NBPF20: variants seen among roughly 807,000 people sequenced by gnomAD.
The protein encoded by NBPF20 is NBPF member 20.
Under a neutral mutation model 68.1 loss-of-function variants are expected in NBPF20, and 90 were observed. The ratio of observed to expected loss-of-function variants is 1.32; its 90% CI spans 1.11 to 1.58. NBPF20 has a LOEUF of 1.58. NBPF20 is among the 40% of genes most tolerant of loss of function. The probability of loss-of-function intolerance (pLI) is 0.00; values close to 1 mark genes in which losing one functional copy is unlikely to be tolerated. For synonymous variants in NBPF20, 290 were observed against 228.1 expected (o/e 1.27, Z -2.45); for missense variants, 816 against 601.2 (o/e 1.36, Z -3.74).
intron 6 of NBPF20, 127 bp downstream of exon 11, chr1:145,400,262 C>T: frequency 6.3e-7 from 1 of 1,586,288 alleles, no homozygotes; most frequent in Non-Finnish European, 8.6e-7. Flanking sequence ...AAAAAAGTCC[C>T]TGATATCTGT....
chr1:145,398,025 G>A (rs1384425758), intron 7 of NBPF20, among the ~76,000 whole-genome samples: 1 of 152,270 alleles, frequency 6.6e-6, no homozygotes, highest in African/African-American at 2.4e-5. Flanking sequence ...AATTCAACAA[G>A]AGTTAACTAT....
exon 1 of NBPF20, chr1:145,405,513 T>G (rs1486919909): frequency 1.2e-5 from 18 of 1,476,364 alleles, no homozygotes; most frequent in Middle Eastern, 2.4e-4. Context: ...TGCCAGTAGC[T>G]CAGACTCTGA....
intron 4 of NBPF20, 36 bp downstream of exon 9, chr1:145,402,131 G>T: frequency 7.3e-7 from 1 of 1,361,992 alleles, no homozygotes; most frequent in Middle Eastern, 2.5e-4. Context: ...TCATAAGCCT[G>T]GGATTTTGGG....
the NBPF20 span, among the ~76,000 whole-genome samples, chr1:145,419,365 G>C: frequency 4.6e-5 from 7 of 152,210 alleles, no homozygotes; most frequent in Non-Finnish European, 1.0e-4. Flanking sequence ...ACGCACTACT[G>C]TAAAACTATA....
chr1:145,291,782 A>G lies in NBPF20; in HGVS notation c.16698-13T>C. 1 of 1,612,018 alleles carries G rather than the reference A, an allele frequency of 6.2e-7. No individual in the cohort carries two copies. The highest frequency in any genetic ancestry group is 8.5e-7 in the Non-Finnish European group (1 of 1,179,868). ...CACGCCGTTGAGCCTGGAAAAGGAG[A>G]CAAAACTAAAGAAGCAGCCAGGGAA... On this transcript the variant is annotated splice_polypyrimidine_tract_variant and intron_variant, in intron 137 of 137. Coordinates refer to ENST00000369373, the Ensembl canonical transcript of NBPF20.
At chr1:145,291,749 T>C in exon 138 of NBPF20, 1 of 1,611,798 alleles carries the variant, frequency 6.2e-7, no homozygotes, top group Non-Finnish European at 8.5e-7. Context: ...CTCTTCCACT[T>C]CCATCAGCAC....
intron 2 of NBPF20, among the ~76,000 whole-genome samples, chr1:145,404,256 TA>T (rs1662662224): frequency 1.7e-5 from 2 of 120,414 alleles, no homozygotes; most frequent in African/African-American, 6.8e-5. Flanking sequence ...TTGATTTATT[TA>T]TCTTTTTGTT....
At chr1:145,397,992 C>G (rs1180294626) in intron 7 of NBPF20, among the ~76,000 whole-genome samples, 1 of 152,102 alleles carries the variant, frequency 6.6e-6, no homozygotes, top group Non-Finnish European at 1.5e-5. Flanking sequence ...CAAAGAAGGC[C>G]ACTACATAAT....
upstream of NBPF20, chr1:145,407,820 G>A (rs587708760): frequency 6.3e-6 from 1 of 157,738 alleles, no homozygotes; most frequent in South Asian, 1.6e-4. Flanking sequence ...GGCCATTGTG[G>A]GCAACAAGGA....
chr1:145,292,358 C>T (rs782548720), intron 137 of NBPF20, 23 bp downstream of exon 142: 4 of 658,300 alleles, frequency 6.1e-6, no homozygotes, highest in Non-Finnish European at 1.1e-5. Flanking sequence ...CAGAATTAAG[C>T]ATCCACAATT....
At position 145,291,688 on chromosome 1, in the gene NBPF20, C is replaced by T. The variant is rs782311009; in HGVS notation, c.16779G>A (p.Met5593Ile). 7.9e-5 allele frequency: 127 copies of T among 1,611,812 alleles called. No homozygotes were observed. The South Asian group carries it at 1.4e-3, about 17-fold the overall frequency. ...GGAATGAGTCAGGTAGTTCAAAGTA[C>T]ATTGACGGAGTAGAATAACATCCAT... Residue 5593 changes from methionine (M) to isoleucine (I), a missense_variant, in exon 138 of 138, where the codon ATG becomes ATA. Met to Ile is a conservative substitution (Grantham distance 10). Coordinates refer to ENST00000369373, the Ensembl canonical transcript of NBPF20.
At chr1:145,393,407 GC>G (rs1225775217) in intron 9 of NBPF20, among the ~76,000 whole-genome samples, 161 bp from the exon 15 acceptor site, 11 of 151,686 alleles carry the variant, frequency 7.3e-5, no homozygotes, top group Admixed American at 2.0e-4. Context: ...ATAGACTAGG[GC>G]CAGGTAGAAA....
At chr1:145,396,250 A>G (rs1235461347) in intron 7 of NBPF20, among the ~76,000 whole-genome samples, 1 of 151,994 alleles carries the variant, frequency 6.6e-6, no homozygotes, top group East Asian at 1.9e-4. Flanking sequence ...AAGAAATGGT[A>G]TCAGTGATTC....
chr1:145,290,945 C>CTAAG (rs1235119695), exon 138 of NBPF20: 1 of 100,190 alleles, frequency 1.0e-5, no homozygotes, highest in Non-Finnish European at 2.0e-5. Flanking sequence ...TGTGGTCTTC[C>CTAAG]TAAGTACTGA....
rs1296205740 is a variant in NBPF20 at position 145,396,887 on chromosome 1, T to G, written c.828-1746A>C. Among the ~76,000 whole-genome samples the G allele has an allele frequency of 4.6e-5, 6 of 130,112 alleles. No individual in the cohort carries two copies. The East Asian group carries it at 1.4e-3, about 30-fold the overall frequency. 85.4% of individuals were successfully genotyped at this position (130,112 alleles called of 152,430 possible). A position where few individuals can be genotyped will look rare whatever the true frequency, so the allele number is the denominator to read the frequency against. Reference sequence around the variant, plus strand: ...CACCCATTAACTCATCATTTAACATTAGGTATATCTCCTAATGCTACCCCT... The same window carrying G: ...CACCCATTAACTCATCATTTAACATGAGGTATATCTCCTAATGCTACCCCT... On this transcript the variant is annotated intron_variant, in intron 7 of 137. Transcript: ENST00000369373.
At chr1:145,397,727 C>T (rs1264312969) in intron 7 of NBPF20, among the ~76,000 whole-genome samples, 109 of 152,306 alleles carry the variant, frequency 7.2e-4, no homozygotes, top group African/African-American at 2.6e-3. Flanking sequence ...CAAATTCACA[C>T]ATAACAATAT....
rs782273029 is a variant in NBPF20, at chr1:145,291,797, C to G, written c.16698-28G>C. 3.1e-6 allele frequency: 5 copies of G among 1,611,656 alleles called. No homozygotes were observed. The African/African-American group carries it at 4.0e-5, about 13-fold the overall frequency. On this transcript the variant is annotated intron_variant, in intron 137 of 137. Transcript: ENST00000369373. ...GGAAAAGGAGACAAAACTAAAGAAG[C>G]AGCCAGGGAAAATCAGAAACCACAG... is the stretch of plus-strand genomic sequence containing the variant.
exon 137 of NBPF20, chr1:145,292,422 T>C (rs782468613): frequency 1.4e-6 from 1 of 697,076 alleles, no homozygotes; most frequent in Non-Finnish European, 2.5e-6. Context: ...CTTCTTTTCT[T>C]CCCCTTCTTC....
At chr1:145,311,960 C>G (rs1661496629) in intron 112 of NBPF20, among the ~76,000 whole-genome samples, 2 of 96,806 alleles carry the variant, frequency 2.1e-5, no homozygotes, top group African/African-American at 5.6e-5. Context: ...TGCCCAGGTC[C>G]AACGTCATGA....
Sources: allele counts gnomAD v4.1 joint callset (sites outside exome capture counted in the v4.1 genomes callset), GRCh38; gene constraint gnomAD v4.1.1; transcripts MANE v1.5; gene names NCBI Gene and HGNC (gene_info 2026-07-23, HGNC 2026-07-21).